CALD1: variants seen among roughly 807,000 people sequenced by gnomAD.
CALD1 encodes the protein caldesmon.
CALD1 carries 33 observed loss-of-function variants against 99.9 expected under a neutral mutation model. The ratio of observed to expected loss-of-function variants is 0.33; its 90% CI spans 0.25 to 0.44. CALD1 has a LOEUF of 0.44. CALD1 is among the 20% of genes least tolerant of loss of function. CALD1 has a pLI of 1.00. For synonymous variants in CALD1, 310 were observed against 325.0 expected (o/e 0.95, Z 0.50); for missense variants, 861 against 962.1 (o/e 0.89, Z 1.39).
chr7:134,834,730 C>T (rs1238314527), intron 1 of CALD1, among the ~76,000 whole-genome samples: 1 of 152,200 alleles, frequency 6.6e-6, no homozygotes, highest in African/African-American at 2.4e-5. Flanking sequence ...TGGAAATCAG[C>T]CCACAAATGG....
intron 1 of CALD1, among the ~76,000 whole-genome samples, chr7:134,765,306 T>G (rs1354390763): frequency 6.8e-6 from 1 of 147,346 alleles, no homozygotes; most frequent in Non-Finnish European, 1.5e-5. Flanking sequence ...AGAGCAAGAC[T>G]CCGTCTCGGA....
intron 2 of CALD1, among the ~76,000 whole-genome samples, chr7:134,860,118 G>T (rs1463443786): frequency 6.6e-6 from 1 of 152,150 alleles, no homozygotes; most frequent in Non-Finnish European, 1.5e-5. Flanking sequence ...CAGGTTGATT[G>T]TATTCACTCT....
Position 134,950,499 on chromosome 7 carries a change from A to C in CALD1, c.1920A>C (p.Lys640Asn). 6.2e-7 allele frequency: 1 copy of C among 1,613,570 alleles called. No individual in the cohort carries two copies. The highest frequency in any genetic ancestry group is 8.5e-7 in the Non-Finnish European group (1 of 1,179,538). The change falls in exon 9 of 15, where the codon AAA (lysine) becomes AAC (asparagine). Residue 640 changes from lysine to asparagine, a missense_variant. Around this residue, in one of 5 missense-constraint regions of CALD1, gnomAD observed 190 missense variants for 249.0 expected, o/e 0.76. Coordinates refer to ENST00000361675, the MANE Select transcript of CALD1 (RefSeq NM_033138.4). ...AACCATTCAAGTGTTTCACTCCTAA[A>C]GGTTCATCTCTCAAGGTATTTTTTT... ...DKKPFKCFTP[K>N]GSSLKIEERA...
chr7:134,835,755 T>A (rs535078806), intron 1 of CALD1, among the ~76,000 whole-genome samples: 12 of 152,248 alleles, frequency 7.9e-5, no homozygotes, highest in African/African-American at 2.2e-4. Context: ...TTGTCAAAAA[T>A]TGAGAGTCTA....
At chr7:134,913,297 G>A (rs888978879) in intron 3 of CALD1, among the ~76,000 whole-genome samples, 3 of 152,056 alleles carry the variant, frequency 2.0e-5, no homozygotes, top group Non-Finnish European at 4.4e-5. Context: ...GGCTATGACT[G>A]TCATTTAAAA....
chr7:134,870,460 C>T (rs968432983), intron 3 of CALD1, among the ~76,000 whole-genome samples: 12 of 152,270 alleles, frequency 7.9e-5, no homozygotes, highest in South Asian at 2.1e-4. Context: ...ATTGACCGCA[C>T]GGCTACGTGG....
chr7:134,960,245 C>A (rs1363775455), intron 12 of CALD1, 134 bp downstream of exon 12: 2 of 1,011,856 alleles, frequency 2.0e-6, no homozygotes, highest in Non-Finnish European at 3.0e-6. Context: ...TTGCAATGAC[C>A]ACAAAAGCAA....
intron 1 of CALD1, among the ~76,000 whole-genome samples, chr7:134,797,811 C>T (rs1797803474): frequency 1.3e-5 from 2 of 152,026 alleles, no homozygotes; most frequent in African/African-American, 2.4e-5. Context: ...AGGATGGTCT[C>T]GATCTCCTGA....
chr7:134,807,716 C>T (rs1395177609), intron 1 of CALD1, among the ~76,000 whole-genome samples: 2 of 152,008 alleles, frequency 1.3e-5, no homozygotes, highest in Non-Finnish European at 2.9e-5. Flanking sequence ...CAACCTCCGC[C>T]TCCCTAGTTC....
intron 1 of CALD1, among the ~76,000 whole-genome samples, chr7:134,790,127 G>A (rs984390399): frequency 2.6e-5 from 4 of 151,098 alleles, no homozygotes; most frequent in Admixed American, 2.6e-4. Flanking sequence ...CAGAGAGGGA[G>A]GAAGGGAAAA....
At chr7:134,856,383 C>T (rs778233637) in intron 2 of CALD1, among the ~76,000 whole-genome samples, 2 of 152,134 alleles carry the variant, frequency 1.3e-5, no homozygotes, top group African/African-American at 4.8e-5. Context: ...GGTAGCCACG[C>T]GAGGCCTGGG....
chr7:134,825,720 A>C (rs1041574512), intron 1 of CALD1, among the ~76,000 whole-genome samples: 3 of 152,122 alleles, frequency 2.0e-5, no homozygotes, highest in Non-Finnish European at 2.9e-5. Flanking sequence ...ACTTACAATA[A>C]AAAATTGTTT....
chr7:134,766,272 C>T (rs546398241), intron 1 of CALD1, among the ~76,000 whole-genome samples: 52 of 151,376 alleles, frequency 3.4e-4, no homozygotes, highest in South Asian at 4.2e-4. Flanking sequence ...CTGCCTCAGC[C>T]TCCCATGTAG....
intron 3 of CALD1, among the ~76,000 whole-genome samples, chr7:134,913,704 A>G (rs1474401520): frequency 6.6e-6 from 1 of 152,238 alleles, no homozygotes; most frequent in East Asian, 1.9e-4. Context: ...ATGGTCAGAT[A>G]GTATATATTT....
intron 2 of CALD1, among the ~76,000 whole-genome samples, chr7:134,847,861 G>A (rs1237863726): frequency 1.3e-5 from 2 of 152,052 alleles, no homozygotes; most frequent in African/African-American, 4.8e-5. Flanking sequence ...CCCCATAAGC[G>A]CAAGTGAGTA....
chr7:134,833,352 GT>G (rs1165411864), intron 1 of CALD1, among the ~76,000 whole-genome samples: 2 of 152,170 alleles, frequency 1.3e-5, no homozygotes, highest in African/African-American at 4.8e-5. Flanking sequence ...TAACCCATCT[GT>G]ATCTGCACGT....
chr7:134,888,626 C>A (rs150997271), intron 3 of CALD1, among the ~76,000 whole-genome samples: 1 of 152,294 alleles, frequency 6.6e-6, no homozygotes, highest in Non-Finnish European at 1.5e-5. Context: ...CTTTCATTGG[C>A]CTTTGTGTTC....
At chr7:134,958,889 A>ATATATTTAAC (rs1554479128) in intron 11 of CALD1, among the ~76,000 whole-genome samples, 125 of 140,090 alleles carry the variant, frequency 8.9e-4, no homozygotes, top group African/African-American at 3.1e-3. Flanking sequence ...ATATATATAT[A>ATATATTTAAC]TATATATATA....
chr7:134,881,975 A>G (rs1271023334), intron 3 of CALD1, among the ~76,000 whole-genome samples: 1 of 152,218 alleles, frequency 6.6e-6, no homozygotes, highest in Non-Finnish European at 1.5e-5. Flanking sequence ...CTTGGGTCTT[A>G]CGTCGCACTT....
Sources: allele counts gnomAD v4.1 joint callset (sites outside exome capture counted in the v4.1 genomes callset), GRCh38; gene constraint gnomAD v4.1.1; regional missense constraint gnomAD v4.1.1; transcripts MANE v1.5; gene names NCBI Gene and HGNC (gene_info 2026-07-23, HGNC 2026-07-21).